The following DIAPH3 variants were observed in gnomAD, a reference collection of about 807,000 sequenced individuals.
DIAPH3 encodes diaphanous related formin 3.
DIAPH3 carries 117 observed loss-of-function variants against 144.3 expected under a neutral mutation model. The observed-to-expected ratio is 0.81, with a 90% CI of 0.70 to 0.95. The LOEUF (loss-of-function observed/expected upper bound fraction) is 0.95. Ranked by LOEUF, DIAPH3 falls within the 40% of genes least tolerant of loss-of-function variation. The pLI is 0.00. For synonymous variants in DIAPH3, 519 were observed against 488.9 expected, an observed-to-expected ratio of 1.06 and a Z score of -0.81; for missense variants, 1,421 against 1,412.7, an observed-to-expected ratio of 1.01 and a Z score of -0.09.
At chr13:59,988,773 T>C (rs1391271861) in intron 12 of DIAPH3, among the ~76,000 whole-genome samples, 1 of 151,858 alleles carries the variant, frequency 6.6e-6, no homozygotes, top group Non-Finnish European at 1.5e-5. Context: ...TATCAGAAAT[T>C]ATCTCCCATG....
In DIAPH3 at chr13:60,112,031, T is replaced by C. The variant is rs766781984; in HGVS notation, c.369A>G (p.Leu123=). ...FPKPLSENEL[L]ELFEKMMEDM... is the part of the protein sequence containing the mutation. ...TTACCATCATTTTTTCAAAAAGTTC[T>C]AAGAGTTCATTCTCTGACAGTGGCT... Residue 123 remains leucine (L), a synonymous_variant, in exon 3 of 28, where the codon TTA becomes TTG. Coordinates refer to ENST00000400324, the MANE Select transcript of DIAPH3 (RefSeq NM_001042517.2). 6.2e-7 allele frequency: 1 copy of C among 1,614,156 alleles called. No individual in the cohort carries two copies. Among genetic ancestry groups the C allele is most frequent in the East Asian group, 2.2e-5 (1 of 44,858 alleles).
chr13:60,036,893 G>A (rs2055270564), intron 5 of DIAPH3, among the ~76,000 whole-genome samples: 3 of 151,730 alleles, frequency 2.0e-5, no homozygotes, highest in Non-Finnish European at 2.9e-5. Flanking sequence ...AAATTAGAGG[G>A]GAAAAGGCAA....
At chr13:59,696,017 A>G (rs1001549870) in intron 27 of DIAPH3, 1 of 152,220 alleles carries the variant, frequency 6.6e-6, no homozygotes, top group African/African-American at 2.4e-5. Flanking sequence ...AAGGAAAACA[A>G]CAACTTACTA....
intron 15 of DIAPH3, 120 bp downstream of exon 15, chr13:59,974,232 G>A: frequency 1.3e-6 from 1 of 790,766 alleles, no homozygotes. Flanking sequence ...TACAAATAAT[G>A]CTATAAAAAT....
chr13:59,815,493 A>C (rs895887194), intron 24 of DIAPH3, among the ~76,000 whole-genome samples: 3 of 151,980 alleles, frequency 2.0e-5, no homozygotes, highest in African/African-American at 7.2e-5. Flanking sequence ...TTAGAAAAAA[A>C]CTCATTTTCT....
intron 7 of DIAPH3, among the ~76,000 whole-genome samples, chr13:60,011,608 T>A (rs1353294976): frequency 6.6e-6 from 1 of 152,182 alleles, no homozygotes; most frequent in Admixed American, 6.5e-5. Context: ...CTGTAGCACA[T>A]CTCAATTCAG....
intron 24 of DIAPH3, among the ~76,000 whole-genome samples, chr13:59,812,130 C>G (rs1224464286): frequency 6.6e-6 from 1 of 152,042 alleles, no homozygotes; most frequent in African/African-American, 2.4e-5. Context: ...TTTATTTTAA[C>G]CCTAGAGTTA....
At chr13:60,063,784 C>T (rs1381584270) in intron 4 of DIAPH3, among the ~76,000 whole-genome samples, 2 of 152,010 alleles carry the variant, frequency 1.3e-5, no homozygotes, top group African/African-American at 4.8e-5. Flanking sequence ...ACAAAATTAG[C>T]CAGGCATGGT....
In DIAPH3 at chr13:60,051,446, C is replaced by T. The variant is rs893099080; in HGVS notation, c.496-8626G>A. Among the ~76,000 whole-genome samples, 7 of 152,136 alleles carry T rather than the reference C, an allele frequency of 4.6e-5. 1 individual carries two copies. Among genetic ancestry groups the T allele is most frequent in the Admixed American group, 3.9e-4 (6 of 15,268 alleles). ...ACCAGCCTGGCCAACATGTCAAAAC[C>T]CTGTCTCTATTAAAAATACAAAAAT... On this transcript the variant is annotated intron_variant, in intron 4 of 27. Transcript: ENST00000400324.
intron 7 of DIAPH3, among the ~76,000 whole-genome samples, chr13:60,015,547 G>C (rs1482657551): frequency 6.6e-6 from 1 of 151,564 alleles, no homozygotes; most frequent in Non-Finnish European, 1.5e-5. Flanking sequence ...ACTTTTGAGA[G>C]TTAGGAGAGG....
chr13:59,858,726 G>C (rs1260662890), intron 22 of DIAPH3, among the ~76,000 whole-genome samples: 1 of 152,052 alleles, frequency 6.6e-6, no homozygotes, highest in Non-Finnish European at 1.5e-5. Flanking sequence ...AAAATGTATT[G>C]AACCTTAGAA....
At chr13:59,910,781 G>A (rs2046959164) in intron 20 of DIAPH3, among the ~76,000 whole-genome samples, 1 of 148,346 alleles carries the variant, frequency 6.7e-6, no homozygotes, top group African/African-American at 2.5e-5. Flanking sequence ...TTATAAGACT[G>A]TGAACAAGGA....
Position 59,846,660 on chromosome 13 carries a change from T to A in DIAPH3, c.2738-7212A>T, listed in dbSNP as rs1184990516. ...AAGTAGGTCTACAACAAAACCTAAA[T>A]TCTAGAATACCATTATAAAATCCAT... On this transcript the variant is annotated intron_variant, in intron 22 of 27. Coordinates refer to ENST00000400324, the MANE Select transcript of DIAPH3 (RefSeq NM_001042517.2). Among the ~76,000 whole-genome samples the A allele has an allele frequency of 2.0e-5, 3 of 152,196 alleles. No individual in the cohort carries two copies. In the South Asian group the frequency reaches 6.2e-4, roughly 32 times the overall value.
chr13:59,717,978 G>A (rs922121219), intron 27 of DIAPH3, among the ~76,000 whole-genome samples: 1 of 152,120 alleles, frequency 6.6e-6, no homozygotes. Context: ...CATACAACCT[G>A]TAATTTTAAC....
chr13:60,086,893 G>A (rs919063508), intron 4 of DIAPH3, among the ~76,000 whole-genome samples: 1 of 152,040 alleles, frequency 6.6e-6, no homozygotes. Context: ...TTTCCATGTA[G>A]AGAAAATACA....
At position 59,998,345 on chromosome 13, in the gene DIAPH3, C is replaced by T. The variant is rs2052331370; in HGVS notation, c.1015-5762G>A. Among the ~76,000 whole-genome samples the T allele has an allele frequency of 3.3e-5, 5 of 152,140 alleles. No individual in the cohort carries two copies. The South Asian group carries it at 8.3e-4, about 25-fold the overall frequency. Reference sequence around the variant, plus strand: ...CTAAAACTGCCTTTATTGCAATTTTCGTATGAAATGTTAGATGGCTTTAAA... The same window carrying T: ...CTAAAACTGCCTTTATTGCAATTTTTGTATGAAATGTTAGATGGCTTTAAA... On this transcript the variant is annotated intron_variant, in intron 9 of 27. Coordinates refer to ENST00000400324, the MANE Select transcript of DIAPH3 (RefSeq NM_001042517.2).
At chr13:59,910,129 A>G (rs1376327624) in intron 20 of DIAPH3, among the ~76,000 whole-genome samples, 2 of 152,044 alleles carry the variant, frequency 1.3e-5, no homozygotes, top group African/African-American at 2.4e-5. Context: ...AAATATTTCA[A>G]AATTGTAATT....
intron 27 of DIAPH3, among the ~76,000 whole-genome samples, chr13:59,722,560 A>T (rs2035396065): frequency 6.6e-6 from 1 of 152,172 alleles, no homozygotes; most frequent in Non-Finnish European, 1.5e-5. Flanking sequence ...CTGTGGAAGC[A>T]TTTGGTTTTC....
intron 25 of DIAPH3, among the ~76,000 whole-genome samples, chr13:59,784,629 G>A (rs1386986627): frequency 2.0e-5 from 3 of 151,974 alleles, no homozygotes; most frequent in Admixed American, 6.6e-5. Context: ...TGCCTGCTTC[G>A]GCCTCCCAAA....
Sources: gnomAD v4.1 joint callset for allele counts (sites outside exome capture counted in the v4.1 genomes callset) on GRCh38, gnomAD v4.1.1 for gene constraint, MANE v1.5 for transcripts, NCBI Gene and HGNC (gene_info 2026-07-23, HGNC 2026-07-21) for gene names.